Variants in CD86 observed in about 807,000 individuals in gnomAD.
CD86 encodes the protein CD86 molecule.
CD86 carries 11 observed loss-of-function variants against 32.1 expected under a neutral mutation model. The ratio of observed to expected loss-of-function variants is 0.34; its 90% CI spans 0.22 to 0.57. The LOEUF (loss-of-function observed/expected upper bound fraction) is 0.57, where lower values mean the gene tolerates loss of function less well. Among genes scored for constraint, CD86 ranks in the 20% least tolerant of loss-of-function variants. The pLI is 0.86. For missense variants in CD86, 359 were observed against 398.4 expected (o/e 0.90, Z 0.84); for synonymous variants, 137 against 135.3 (o/e 1.01, Z -0.09).
chr3:122,086,612 TC>T, intron 1 of CD86: 2 of 479,212 alleles, frequency 4.2e-6, no homozygotes, highest in South Asian at 1.5e-5. Context: ...CTGGTGCCTG[TC>T]CAGGTTAAAG....
rs2072218614 is a variant in CD86, at chr3:122,055,421, G to A, written c.-69G>A. The stretch of plus-strand genomic sequence containing the variant: ...GCTTTGCTTCTCTGCTGCTGTAACA[G>A]GGACTAGCACAGACACACGGATGAG... On this transcript the variant is annotated 5_prime_UTR_variant, in exon 1 of 7. Transcript: ENST00000330540. 6.7e-7 allele frequency: 1 copy of A among 1,503,302 alleles called. No homozygotes were observed. Among genetic ancestry groups the A allele is most frequent in the African/African-American group, 1.4e-5 (1 of 72,834 alleles). The allele number at this position is 1,503,302 out of a possible 1,614,324, so 93.1% of individuals were successfully genotyped here.
chr3:122,060,526 T>C (rs2072317575), intron 1 of CD86, among the ~76,000 whole-genome samples: 1 of 152,026 alleles, frequency 6.6e-6, no homozygotes, highest in South Asian at 2.1e-4. Flanking sequence ...CTCATGCCTG[T>C]AATCCCAGTG....
At position 122,094,038 on chromosome 3, in the gene CD86, A is replaced by T. The variant is rs79455242; in HGVS notation, c.64+2388A>T. On this transcript the variant is annotated intron_variant, in intron 2 of 6. Coordinates refer to ENST00000330540, the MANE Select transcript of CD86 (RefSeq NM_175862.5). ...TATAGCTTCTGCCTCATCCGTGTTC[A>T]TCCAGTGCCTCCTCCCCATCACCTG... Among the ~76,000 whole-genome samples, 10 of 152,304 alleles carry T rather than the reference A, an allele frequency of 6.6e-5. No individual in the cohort carries two copies. In the East Asian group the frequency reaches 1.9e-3, roughly 29 times the overall value.
intron 2 of CD86, among the ~76,000 whole-genome samples, chr3:122,100,172 A>T (rs1338111514): frequency 6.6e-6 from 1 of 152,212 alleles, no homozygotes; most frequent in Non-Finnish European, 1.5e-5. Flanking sequence ...ATTCATGAAG[A>T]AGTCACCCAA....
chr3:122,099,299 T>A (rs1203092937), intron 2 of CD86, among the ~76,000 whole-genome samples: 2 of 138,186 alleles, frequency 1.4e-5, no homozygotes, highest in Non-Finnish European at 3.1e-5. Flanking sequence ...TGGTGTGAAG[T>A]CACCAACAAC....
Position 122,060,343 on chromosome 3 carries a change from A to G in CD86, c.14+4840A>G, listed in dbSNP as rs1387397066. ...AGGCAGTAGACTTTGGAGAGCTTGG[A>G]AAATGGAGGCAGCACAGATGGTCTC... On this transcript the variant is annotated intron_variant, in intron 1 of 6. Coordinates refer to ENST00000330540, the MANE Select transcript of CD86 (RefSeq NM_175862.5). 2.6e-5 allele frequency among the ~76,000 whole-genome samples: 4 copies of G among 152,178 alleles called. No individual in the cohort carries two copies. In the East Asian group the frequency reaches 7.7e-4, roughly 29 times the overall value.
At chr3:122,088,567 A>G (rs1011396382) in intron 1 of CD86, among the ~76,000 whole-genome samples, 5 of 152,180 alleles carry the variant, frequency 3.3e-5, no homozygotes, top group Non-Finnish European at 7.3e-5. Context: ...CAAAGCTGAC[A>G]CCACACAAGC....
At chr3:122,117,512 C>A (rs2073273040) in intron 5 of CD86, among the ~76,000 whole-genome samples, 1 of 152,232 alleles carries the variant, frequency 6.6e-6, no homozygotes, top group Non-Finnish European at 1.5e-5. Context: ...AAATTTACAT[C>A]CCAAGTTGTG....
chr3:122,076,335 G>C (rs2107512001), intron 1 of CD86, among the ~76,000 whole-genome samples: 1 of 152,254 alleles, frequency 6.6e-6, no homozygotes, highest in South Asian at 2.1e-4. Context: ...CTGAGTACAA[G>C]GAAAAGAAGG....
intron 2 of CD86, among the ~76,000 whole-genome samples, chr3:122,099,618 A>AT (rs2072965183): frequency 6.6e-6 from 1 of 152,160 alleles, no homozygotes; most frequent in African/African-American, 2.4e-5. Flanking sequence ...CCCAGGGTAA[A>AT]TTTTATAGAG....
At chr3:122,115,153 G>A (rs963026939) in intron 5 of CD86, among the ~76,000 whole-genome samples, 3 of 152,138 alleles carry the variant, frequency 2.0e-5, no homozygotes, top group African/African-American at 7.2e-5. Flanking sequence ...AAACTGATAA[G>A]TGAGTGTAGC....
intron 2 of CD86, chr3:122,092,083 C>T (rs1298276117): frequency 6.3e-6 from 1 of 158,888 alleles, no homozygotes; most frequent in African/African-American, 2.4e-5. Flanking sequence ...AAAAGTCTCC[C>T]TTCATTCGGA....
chr3:122,060,859 G>A (rs1269714990), intron 1 of CD86, among the ~76,000 whole-genome samples: 1 of 152,038 alleles, frequency 6.6e-6, no homozygotes, highest in African/African-American at 2.4e-5. Flanking sequence ...TGAATCTGGT[G>A]AGATAAAGAA....
chr3:122,091,644 C>A lies in CD86; in HGVS notation c.58C>A (p.Leu20Ile), dbSNP rs1160693622. Residue 20 changes from leucine to isoleucine, a missense_variant, in exon 2 of 7, where the codon CTC (leucine) becomes ATC (isoleucine). Transcript: ENST00000330540. ...SNILFVMAFL[L>I]SGAAPLKIQA... is the part of the protein sequence containing the mutation. Reference sequence around the variant, plus strand: ...CATTCTCTTTGTGATGGCCTTCCTGCTCTCTGGTAAGAACCTTTCAGCTTT... The same window carrying A: ...CATTCTCTTTGTGATGGCCTTCCTGATCTCTGGTAAGAACCTTTCAGCTTT... The A allele has an allele frequency of 2.5e-6, 4 of 1,612,612 alleles. No individual in the cohort carries two copies. Among genetic ancestry groups the A allele is most frequent in the Middle Eastern group, 1.7e-4 (1 of 6,060 alleles).
At chr3:122,114,938 G>T (rs1024769109) in intron 5 of CD86, among the ~76,000 whole-genome samples, 2 of 152,144 alleles carry the variant, frequency 1.3e-5, no homozygotes, top group African/African-American at 4.8e-5. Context: ...AAGACTGATT[G>T]CTTTTACCTT....
At chr3:122,071,719 C>A (rs1358439223) in intron 1 of CD86, among the ~76,000 whole-genome samples, 1 of 147,472 alleles carries the variant, frequency 6.8e-6, no homozygotes, top group East Asian at 2.6e-4. Flanking sequence ...ATTTTGCATT[C>A]TTTTCTTTAT....
chr3:122,092,963 C>T (rs1202935886), intron 2 of CD86, among the ~76,000 whole-genome samples: 1 of 152,120 alleles, frequency 6.6e-6, no homozygotes, highest in Non-Finnish European at 1.5e-5. Flanking sequence ...TCCTTGAGTG[C>T]AAGGTCTGTA....
chr3:122,076,407 A>G (rs1228573327), intron 1 of CD86, among the ~76,000 whole-genome samples: 1 of 152,248 alleles, frequency 6.6e-6, no homozygotes, highest in Non-Finnish European at 1.5e-5. Flanking sequence ...TGGGTAATTG[A>G]TCATATGTCA....
At chr3:122,115,313 G>C (rs1012161413) in intron 5 of CD86, among the ~76,000 whole-genome samples, 11 of 151,864 alleles carry the variant, frequency 7.2e-5, no homozygotes, top group African/African-American at 2.7e-4. Flanking sequence ...CAAGTACAAG[G>C]TCTATATACT....
Sources: gnomAD v4.1 joint callset for allele counts (sites outside exome capture counted in the v4.1 genomes callset) on GRCh38, gnomAD v4.1.1 for gene constraint, MANE v1.5 for transcripts, NCBI Gene and HGNC (gene_info 2026-07-23, HGNC 2026-07-21) for gene names.